The following SLC5A9 variants were observed in gnomAD, a reference collection of about 807,000 sequenced individuals.
SLC5A9 encodes sodium/glucose cotransporter 4.
Under a neutral mutation model 70.9 loss-of-function variants are expected in SLC5A9, and 59 were observed. That is an observed-to-expected ratio of 0.83 (90% confidence interval 0.68 to 1.03). The LOEUF (loss-of-function observed/expected upper bound fraction) is 1.03, where lower values mean the gene tolerates loss of function less well. Among genes scored for constraint, SLC5A9 ranks in the 50% least tolerant of loss-of-function variants. The pLI is 0.00. For missense variants in SLC5A9, 832 were observed against 881.1 expected (o/e 0.94, Z 0.71); for synonymous variants, 340 against 346.5 (o/e 0.98, Z 0.21).
rs528704222 is a variant in SLC5A9 at position 48,247,908 on chromosome 1, G to A, written c.*365G>A. ...TAGAAAAATGGAGGATACAAGAAAA[G>A]GAGCAGGAAGAAATTTGCAAAAATC... On this transcript the variant is annotated 3_prime_UTR_variant, in exon 14 of 14. Coordinates refer to ENST00000438567, the MANE Select transcript of SLC5A9 (RefSeq NM_001011547.3). 5.4e-5 allele frequency: 12 copies of A among 221,386 alleles called. No homozygotes were observed. The highest frequency in any genetic ancestry group is 1.1e-4 in the African/African-American group (5 of 44,592). The allele number at this position is 221,386 out of a possible 1,614,324, so 13.7% of individuals were successfully genotyped here.
chr1:48,243,310 C>G (rs1296693947), intron 13 of SLC5A9, among the ~76,000 whole-genome samples: 2 of 152,134 alleles, frequency 1.3e-5, no homozygotes, highest in Non-Finnish European at 2.9e-5. Flanking sequence ...GAGGTTCCTA[C>G]AAAACACCCT....
rs1644119307 is a variant in SLC5A9 at position 48,224,721 on chromosome 1, C to T, written c.163-3C>T. ...ATCCTCATCTCATCTATTTCCTTTCCAGTCGTCCATCCGTGCAAGTCGAGG... is the reference window on the plus strand; with the variant it reads ...ATCCTCATCTCATCTATTTCCTTTCTAGTCGTCCATCCGTGCAAGTCGAGG... On this transcript the variant is annotated splice_polypyrimidine_tract_variant and splice_region_variant and intron_variant, in intron 1 of 13. Coordinates refer to ENST00000438567, the MANE Select transcript of SLC5A9 (RefSeq NM_001011547.3). 3 of 1,613,956 alleles carry T rather than the reference C, an allele frequency of 1.9e-6. No homozygotes were observed. The highest frequency in any genetic ancestry group is 3.3e-5 in the Admixed American group (2 of 60,002).
At chr1:48,227,303 G>T (rs1187885367) in intron 2 of SLC5A9, among the ~76,000 whole-genome samples, 1 of 139,102 alleles carries the variant, frequency 7.2e-6, no homozygotes, top group Non-Finnish European at 1.5e-5. Flanking sequence ...GAGTGTGTGT[G>T]TACTGTGCCT....
At chr1:48,224,114 C>T (rs893391930) in intron 1 of SLC5A9, among the ~76,000 whole-genome samples, 1 of 152,212 alleles carries the variant, frequency 6.6e-6, no homozygotes, top group African/African-American at 2.4e-5. Context: ...CTGCCCTCAC[C>T]CTGTATCTCC....
At chr1:48,225,898 ACAC>A (rs953563833) in intron 2 of SLC5A9, among the ~76,000 whole-genome samples, 9 of 151,924 alleles carry the variant, frequency 5.9e-5, no homozygotes, top group African/African-American at 2.2e-4. Context: ...ATGCGCACTC[ACAC>A]CACCAGCCAT....
At chr1:48,245,283 A>G (rs1644448243) in intron 13 of SLC5A9, among the ~76,000 whole-genome samples, 1 of 152,052 alleles carries the variant, frequency 6.6e-6, no homozygotes, top group Non-Finnish European at 1.5e-5. Flanking sequence ...GACAGCTTGT[A>G]CTTTCCCACG....
intron 8 of SLC5A9, among the ~76,000 whole-genome samples, chr1:48,233,064 AAAAG>A (rs1217389793): frequency 6.6e-6 from 1 of 151,726 alleles, no homozygotes; most frequent in Non-Finnish European, 1.5e-5. Context: ...AAGAAAAGAA[AAAAG>A]AAAAGAAAAG....
intron 4 of SLC5A9, 72 bp from the exon 5 acceptor site, chr1:48,230,528 C>T: frequency 2.1e-6 from 2 of 973,232 alleles, no homozygotes; most frequent in Admixed American, 1.7e-5. Flanking sequence ...GCTGGGCAGG[C>T]AGGTGATGTG....
rs1174230203 is a variant in SLC5A9 at position 48,228,935 on chromosome 1, TA to T, written c.321del (p.Gly108ValfsTer34). 3.1e-6 allele frequency: 5 copies of T among 1,613,088 alleles called. No individual in the cohort carries two copies. In the South Asian group the frequency reaches 5.5e-5, roughly 18 times the overall value. On this transcript the variant is annotated frameshift_variant, in exon 3 of 14. Transcript: ENST00000438567. LOFTEE classifies it high-confidence loss of function. ...AGTGAAGGLAVGGFEWNATWL... is the reference protein window; with the variant it reads ...AGTGAAGGLAXGGFEWNATWL... ...ACAGGGGCTGCCGGAGGCCTTGCCG[TA>T]GGTGGCTTCGAGTGGAACGTAAGGA...
chr1:48,236,994 T>TATG (rs1644335426), intron 10 of SLC5A9, among the ~76,000 whole-genome samples: 1 of 152,214 alleles, frequency 6.6e-6, no homozygotes, highest in South Asian at 2.1e-4. Context: ...TATCTGTGCA[T>TATG]ATGAACTGGT....
At position 48,229,255 on chromosome 1, in the gene SLC5A9, C is replaced by T. The variant is rs745991654; in HGVS notation, c.340-40C>T. 8 of 1,613,932 alleles carry T rather than the reference C, an allele frequency of 5.0e-6. No homozygotes were observed. The South Asian group carries it at 7.7e-5, about 16-fold the overall frequency. On this transcript the variant is annotated intron_variant, in intron 3 of 13. Transcript: ENST00000438567. ...TGGGAAGCCGCCCCTCTGTCTACAT[C>T]CAGGACCTGGATACCTTCTTCTTCT...
chr1:48,244,872 G>GTATATA (rs1190631619), intron 13 of SLC5A9, among the ~76,000 whole-genome samples: 13 of 9,316 alleles, frequency 1.4e-3, no homozygotes, highest in Admixed American at 4.4e-3. Context: ...GTATGTATGT[G>GTATATA]TATGTGTATA....
Position 48,232,359 on chromosome 1 carries a change from C to A in SLC5A9, c.898-8C>A. On this transcript the variant is annotated splice_region_variant and splice_polypyrimidine_tract_variant and intron_variant, in intron 7 of 13. Transcript: ENST00000438567. The stretch of plus-strand genomic sequence containing the variant: ...CTGCGCTGCACTCCTCATTTGCTGC[C>A]CTTTCAGGTCATTGTGCAGCGGTCT... 2 of 1,613,916 alleles carry A rather than the reference C, an allele frequency of 1.2e-6. No individual in the cohort carries two copies. Among genetic ancestry groups the A allele is most frequent in the Non-Finnish European group, 8.5e-7 (1 of 1,179,966 alleles).
rs768953057 is a variant in SLC5A9 at position 48,232,406 on chromosome 1, C to A, written c.937C>A (p.His313Asn). Residue 313 changes from histidine to asparagine, a missense_variant, in exon 8 of 14, where the codon CAT becomes AAT. Physicochemically the swap from His to Asn is moderately conservative, Grantham distance 68. Coordinates refer to ENST00000438567, the MANE Select transcript of SLC5A9 (RefSeq NM_001011547.3). ...GTCTCTCTCGGCCAAGAGTCTGTCT[C>A]ATGCCAAGGGAGGCTCCGTGCTGGG... Reference protein sequence around the residue: ...QRSLSAKSLSHAKGGSVLGGY... With the variant: ...QRSLSAKSLSNAKGGSVLGGY... 3 of 1,614,204 alleles carry A rather than the reference C, an allele frequency of 1.9e-6. No homozygotes were observed. The highest frequency in any genetic ancestry group is 2.5e-6 in the Non-Finnish European group (3 of 1,180,016).
chr1:48,229,560 A>G, intron 4 of SLC5A9, 101 bp downstream of exon 4: 1 of 1,539,686 alleles, frequency 6.5e-7, no homozygotes. Flanking sequence ...GCTGACAATC[A>G]CTGTTGAAAA....
chr1:48,233,106 T>C (rs113064121), intron 8 of SLC5A9, among the ~76,000 whole-genome samples: 64,232 of 151,650 alleles, frequency 0.42, 14,506 homozygotes, highest in Middle Eastern at 0.56. Flanking sequence ...CTCACTCCTG[T>C]AATCCCAGAA....
At chr1:48,225,773 C>T (rs935378163) in intron 2 of SLC5A9, among the ~76,000 whole-genome samples, 3 of 152,176 alleles carry the variant, frequency 2.0e-5, no homozygotes, top group Admixed American at 6.5e-5. Flanking sequence ...CACCTTCTCT[C>T]ACGCACTCAC....
Position 48,247,337 on chromosome 1 carries a change from C to G in SLC5A9, c.1840C>G (p.Pro614Ala). ...GTCTTCTGGCTTTGTCCCTCCAGCC[C>G]CAAGCAGGTCCTGGGGAAAGTTGCT... is the stretch of plus-strand genomic sequence containing the variant. ...SSLGQEQPEA[P>A]SRSWGKLLWS... The change falls in exon 14 of 14, where the codon CCA becomes GCA. Residue 614 changes from proline to alanine, a missense_variant and splice_region_variant. Coordinates refer to ENST00000438567, the MANE Select transcript of SLC5A9 (RefSeq NM_001011547.3). 5.6e-6 allele frequency: 9 copies of G among 1,613,866 alleles called. No homozygotes were observed. Among genetic ancestry groups the G allele is most frequent in the Non-Finnish European group, 5.9e-6 (7 of 1,179,898 alleles).
At chr1:48,227,068 C>T (rs952950462) in intron 2 of SLC5A9, among the ~76,000 whole-genome samples, 5 of 151,082 alleles carry the variant, frequency 3.3e-5, no homozygotes, top group South Asian at 2.1e-4. Context: ...TGTATGTGCA[C>T]GTGTGTGCAT....
Sources: gnomAD v4.1 joint callset for allele counts (sites outside exome capture counted in the v4.1 genomes callset) on GRCh38, gnomAD v4.1.1 for gene constraint, MANE v1.5 for transcripts, NCBI Gene and HGNC (gene_info 2026-07-23, HGNC 2026-07-21) for gene names.